The following SYT1 variants were observed in gnomAD, a reference collection of about 807,000 sequenced individuals.
SYT1 encodes synaptotagmin 1, also known as synaptotagmin-1.
SYT1 carries 8 observed loss-of-function variants against 44.8 expected under a neutral mutation model. The ratio of observed to expected loss-of-function variants is 0.18; its 90% CI spans 0.10 to 0.32. The LOEUF is 0.32. Ranked by LOEUF, SYT1 falls within the 10% of genes least tolerant of loss-of-function variation. The pLI is 1.00. For missense variants in SYT1, 286 were observed against 509.3 expected, an observed-to-expected ratio of 0.56 and a Z score of 4.22; for synonymous variants, 154 against 188.8, an observed-to-expected ratio of 0.82 and a Z score of 1.51.
chr12:79,294,312 A>G (rs1879775447), intron 6 of SYT1, among the ~76,000 whole-genome samples: 1 of 152,100 alleles, frequency 6.6e-6, no homozygotes, highest in Non-Finnish European at 1.5e-5. Context: ...TCATTCTGAG[A>G]AACTGATGAA....
At position 79,135,304 on chromosome 12, in the gene SYT1, C is replaced by T. The variant is rs1194964271; in HGVS notation, c.-17-82199C>T. ...GTGTGTGATGTTCCCCTTCCTGTGT[C>T]CATGTGTTCTCATTGTTCAATTCCC... On this transcript the variant is annotated intron_variant, in intron 3 of 10. Coordinates refer to ENST00000261205, the MANE Select transcript of SYT1 (RefSeq NM_005639.3). Among the ~76,000 whole-genome samples the T allele has an allele frequency of 2.0e-5, 3 of 147,684 alleles. No individual in the cohort carries two copies. In the Admixed American group the frequency reaches 2.0e-4, roughly 10 times the overall value.
chr12:79,163,937 C>A (rs1479838274), intron 3 of SYT1, among the ~76,000 whole-genome samples: 2 of 152,038 alleles, frequency 1.3e-5, no homozygotes, highest in African/African-American at 4.8e-5. Context: ...TTTCTTCAAT[C>A]AGGCTGTTGG....
chr12:78,933,665 T>C (rs1393522060), intron 1 of SYT1, among the ~76,000 whole-genome samples: 2 of 152,182 alleles, frequency 1.3e-5, no homozygotes, highest in African/African-American at 4.8e-5. Flanking sequence ...CTCAACTTTA[T>C]GTTTCAGATC....
At chr12:79,216,226 C>T (rs1874795510) in intron 3 of SYT1, among the ~76,000 whole-genome samples, 1 of 152,104 alleles carries the variant, frequency 6.6e-6, no homozygotes, top group Non-Finnish European at 1.5e-5. Context: ...CCACCACGCC[C>T]AGACTAAATT....
intron 4 of SYT1, among the ~76,000 whole-genome samples, chr12:79,231,541 A>G (rs1287475556): frequency 5.9e-5 from 9 of 152,200 alleles, no homozygotes; most frequent in Non-Finnish European, 1.3e-4. Flanking sequence ...ATATATTTGA[A>G]CTGATAAATA....
chr12:78,867,931 G>A (rs1393966978), intron 1 of SYT1, among the ~76,000 whole-genome samples: 1 of 151,870 alleles, frequency 6.6e-6, no homozygotes, highest in East Asian at 1.9e-4. Flanking sequence ...TGTAGAATAT[G>A]TTAGAAATCT....
intron 3 of SYT1, among the ~76,000 whole-genome samples, chr12:79,117,704 T>TAAA (rs1346571231): frequency 6.9e-5 from 7 of 101,726 alleles, no homozygotes; most frequent in Non-Finnish European, 1.0e-4. Flanking sequence ...TATATATATA[T>TAAA]ATATATATAT....
intron 9 of SYT1, among the ~76,000 whole-genome samples, chr12:79,360,004 C>A (rs192726469): frequency 3.0e-4 from 45 of 152,228 alleles, no homozygotes. Context: ...AGGACTAATT[C>A]AAACCAAGCT....
chr12:78,890,564 A>T (rs926867878), intron 1 of SYT1, among the ~76,000 whole-genome samples: 1 of 151,812 alleles, frequency 6.6e-6, no homozygotes. Flanking sequence ...ATAATAATGT[A>T]TCTTAAACTA....
At chr12:79,145,828 G>T (rs1869866175) in intron 3 of SYT1, among the ~76,000 whole-genome samples, 1 of 151,100 alleles carries the variant, frequency 6.6e-6, no homozygotes, top group Non-Finnish European at 1.5e-5. Context: ...CGGGATCTCG[G>T]CTCACTGCAA....
intron 9 of SYT1, among the ~76,000 whole-genome samples, chr12:79,412,115 C>G (rs1868467395): frequency 6.6e-6 from 1 of 152,116 alleles, no homozygotes; most frequent in African/African-American, 2.4e-5. Flanking sequence ...CTTGAGAGAT[C>G]AAGTCCACAG....
intron 9 of SYT1, among the ~76,000 whole-genome samples, chr12:79,416,730 T>C (rs1040321773): frequency 6.6e-6 from 1 of 152,236 alleles, no homozygotes; most frequent in Non-Finnish European, 1.5e-5. Context: ...TCAGCCATGT[T>C]AATATTTCAA....
intron 3 of SYT1, among the ~76,000 whole-genome samples, chr12:79,136,005 A>C (rs1168287011): frequency 6.6e-6 from 1 of 152,236 alleles, no homozygotes; most frequent in African/African-American, 2.4e-5. Flanking sequence ...GGGCAGCTTG[A>C]GACAACATTG....
At chr12:79,268,697 G>C (rs1327751753) in intron 4 of SYT1, among the ~76,000 whole-genome samples, 2 of 152,140 alleles carry the variant, frequency 1.3e-5, no homozygotes, top group Non-Finnish European at 2.9e-5. Context: ...AAGAGAAATA[G>C]AGCTATGTGG....
intron 1 of SYT1, among the ~76,000 whole-genome samples, chr12:78,961,350 C>G (rs1353302092): frequency 6.6e-6 from 1 of 151,926 alleles, no homozygotes; most frequent in Non-Finnish European, 1.5e-5. Flanking sequence ...CCCAAGTGAT[C>G]CTCCCACCTC....
chr12:79,072,976 C>T (rs920977392), intron 3 of SYT1, among the ~76,000 whole-genome samples: 9 of 152,026 alleles, frequency 5.9e-5, no homozygotes, highest in African/African-American at 1.4e-4. Context: ...ATTTTTAGTA[C>T]AAGTATGTTC....
intron 4 of SYT1, among the ~76,000 whole-genome samples, chr12:79,253,856 A>G (rs1394779355): frequency 6.6e-6 from 1 of 152,180 alleles, no homozygotes; most frequent in Non-Finnish European, 1.5e-5. Flanking sequence ...AGAAGGTCAA[A>G]CTAGCTACAA....
chr12:79,078,476 A>T (rs1427341227), intron 3 of SYT1, among the ~76,000 whole-genome samples: 1 of 152,152 alleles, frequency 6.6e-6, no homozygotes, highest in Non-Finnish European at 1.5e-5. Context: ...TCTCTGAAGG[A>T]ATTAACCTTT....
chr12:79,431,448 T>C (rs1869767936), intron 9 of SYT1, among the ~76,000 whole-genome samples: 1 of 151,998 alleles, frequency 6.6e-6, no homozygotes, highest in African/African-American at 2.4e-5. Flanking sequence ...CAGAATTATA[T>C]TACTCCATGT....
Sources: gnomAD v4.1 joint callset for allele counts (sites outside exome capture counted in the v4.1 genomes callset) on GRCh38, gnomAD v4.1.1 for gene constraint, MANE v1.5 for transcripts, NCBI Gene and HGNC (gene_info 2026-07-23, HGNC 2026-07-21) for gene names.